Variants in FSHR observed in about 807,000 individuals in gnomAD.
The protein encoded by FSHR is follicle-stimulating hormone receptor.
In FSHR, 46 loss-of-function variants were observed where a neutral mutation model predicts 52.1. The observed-to-expected ratio is 0.88, with a 90% CI of 0.70 to 1.13. The LOEUF (loss-of-function observed/expected upper bound fraction) is 1.13. FSHR is among the 50% of genes most tolerant of loss of function. The pLI is 0.00. For synonymous variants in FSHR, 399 were observed against 309.6 expected (o/e 1.29, Z -3.03); for missense variants, 964 against 834.6 (o/e 1.16, Z -1.91).
intron 4 of FSHR, among the ~76,000 whole-genome samples, chr2:49,007,839 C>A (rs1240473152): frequency 6.6e-6 from 1 of 151,982 alleles, no homozygotes; most frequent in Non-Finnish European, 1.5e-5. Flanking sequence ...TTTAATCCTA[C>A]ACTGGTCTTA....
At chr2:49,015,323 G>T (rs1487542104) in intron 4 of FSHR, among the ~76,000 whole-genome samples, 1 of 152,132 alleles carries the variant, frequency 6.6e-6, no homozygotes, top group Non-Finnish European at 1.5e-5. Flanking sequence ...AAAGCTGAAG[G>T]TCTTAATCGG....
At chr2:49,144,065 A>G (rs531767819) in intron 1 of FSHR, among the ~76,000 whole-genome samples, 7 of 152,250 alleles carry the variant, frequency 4.6e-5, no homozygotes, top group African/African-American at 1.7e-4. Context: ...GAGTTTTTGG[A>G]CTTGAGGATG....
intron 4 of FSHR, among the ~76,000 whole-genome samples, chr2:49,010,991 A>G (rs1667248798): frequency 1.3e-5 from 2 of 151,242 alleles, no homozygotes; most frequent in East Asian, 3.9e-4. Context: ...TCCTGGATTC[A>G]TTAATTTTTT....
chr2:49,025,201 G>C (rs748941998), intron 2 of FSHR, among the ~76,000 whole-genome samples: 1 of 152,170 alleles, frequency 6.6e-6, no homozygotes, highest in Non-Finnish European at 1.5e-5. Context: ...ATCTTTAAGC[G>C]AGTGGAGAAC....
chr2:49,101,228 C>G (rs963230768), intron 1 of FSHR, among the ~76,000 whole-genome samples: 1 of 152,010 alleles, frequency 6.6e-6, no homozygotes. Context: ...TGGAGGGTAG[C>G]TAGAGGGAGA....
chr2:49,099,688 G>A (rs1158243562), intron 1 of FSHR, among the ~76,000 whole-genome samples: 1 of 152,088 alleles, frequency 6.6e-6, no homozygotes, highest in Non-Finnish European at 1.5e-5. Flanking sequence ...CACAAAGAAA[G>A]ACGGCCATAT....
At chr2:49,128,424 G>T (rs1430698038) in intron 1 of FSHR, among the ~76,000 whole-genome samples, 4 of 151,884 alleles carry the variant, frequency 2.6e-5, no homozygotes, top group African/African-American at 9.7e-5. Flanking sequence ...CAAAATAAAG[G>T]AACATAATAT....
At chr2:49,113,267 C>G (rs1411917913) in intron 1 of FSHR, among the ~76,000 whole-genome samples, 4 of 152,266 alleles carry the variant, frequency 2.6e-5, no homozygotes, top group Admixed American at 6.5e-5. Flanking sequence ...ATCTCATCGC[C>G]AAAACAGGGA....
chr2:48,967,553 T>C (rs1407582497), intron 9 of FSHR, among the ~76,000 whole-genome samples: 4 of 152,216 alleles, frequency 2.6e-5, no homozygotes, highest in African/African-American at 9.6e-5. Context: ...ATTCTGATTG[T>C]CAGGAAGAAA....
At chr2:49,027,134 A>G (rs1245997820) in intron 2 of FSHR, among the ~76,000 whole-genome samples, 2 of 152,058 alleles carry the variant, frequency 1.3e-5, no homozygotes, top group South Asian at 2.1e-4. Flanking sequence ...GCCATCTCCA[A>G]CTTCTCTCCA....
At chr2:49,131,975 T>C (rs561672875) in intron 1 of FSHR, among the ~76,000 whole-genome samples, 5 of 152,340 alleles carry the variant, frequency 3.3e-5, no homozygotes, top group African/African-American at 1.2e-4. Context: ...CTGCCCATCC[T>C]ATCCTTATGT....
intron 2 of FSHR, among the ~76,000 whole-genome samples, chr2:49,068,012 C>G (rs953017046): frequency 6.6e-6 from 1 of 151,218 alleles, no homozygotes; most frequent in Non-Finnish European, 1.5e-5. Flanking sequence ...TTGGATTGCT[C>G]TTTTGCTCAT....
intron 4 of FSHR, among the ~76,000 whole-genome samples, chr2:49,011,261 T>G (rs1055385525): frequency 6.6e-6 from 1 of 152,032 alleles, no homozygotes; most frequent in African/African-American, 2.4e-5. Context: ...AGAACATATT[T>G]ATTTCTGCCT....
At chr2:49,094,960 G>A (rs1474517120) in intron 1 of FSHR, among the ~76,000 whole-genome samples, 1 of 151,844 alleles carries the variant, frequency 6.6e-6, no homozygotes, top group Non-Finnish European at 1.5e-5. Context: ...AATAAAAGAT[G>A]GGATATTATC....
chr2:49,146,687 C>T (rs1672882769), intron 1 of FSHR, among the ~76,000 whole-genome samples: 1 of 152,006 alleles, frequency 6.6e-6, no homozygotes, highest in Admixed American at 6.6e-5. Context: ...AGTTTGGTGC[C>T]TGAAGATGCT....
chr2:49,127,895 CTTCTTTTTTTTTT>C, intron 1 of FSHR, among the ~76,000 whole-genome samples: 1 of 22,194 alleles, frequency 4.5e-5, no homozygotes, highest in African/African-American at 2.3e-4. Context: ...TCTTCTTCTT[CTTCTTTTTTTTTT>C]TTGAGACGGA....
intron 1 of FSHR, among the ~76,000 whole-genome samples, chr2:49,134,556 C>T (rs1373618364): frequency 6.6e-6 from 1 of 152,132 alleles, no homozygotes; most frequent in Non-Finnish European, 1.5e-5. Context: ...CCAGCCATCT[C>T]ATTACTGGGT....
chr2:49,094,694 C>A (rs1670756643), intron 1 of FSHR, among the ~76,000 whole-genome samples: 1 of 151,908 alleles, frequency 6.6e-6, no homozygotes, highest in African/African-American at 2.4e-5. Context: ...AAATGTATAG[C>A]TACAAATGCC....
chr2:49,124,361 C>G (rs1389165386), intron 1 of FSHR, among the ~76,000 whole-genome samples: 1 of 151,888 alleles, frequency 6.6e-6, no homozygotes, highest in African/African-American at 2.4e-5. Context: ...AAAGTTTATC[C>G]TAGGTGGTAT....
Sources: allele counts gnomAD v4.1 joint callset (sites outside exome capture counted in the v4.1 genomes callset), GRCh38; gene constraint gnomAD v4.1.1; transcripts MANE v1.5; gene names NCBI Gene and HGNC (gene_info 2026-07-23, HGNC 2026-07-21).